Variants in TONSL observed in about 807,000 individuals in gnomAD.
TONSL encodes tonsoku like, DNA repair protein, also known as tonsoku-like protein.
Under a neutral mutation model 147.1 loss-of-function variants are expected in TONSL, and 112 were observed. The observed-to-expected ratio is 0.76, with a 90% CI of 0.65 to 0.89. The LOEUF (loss-of-function observed/expected upper bound fraction) is 0.89, where lower values mean the gene tolerates loss of function less well. Among genes scored for constraint, TONSL ranks in the 40% least tolerant of loss-of-function variants. TONSL has a pLI of 0.00. For missense variants in TONSL, 1,883 were observed against 1,864.6 expected (o/e 1.01, Z -0.18); for synonymous variants, 868 against 801.5 (o/e 1.08, Z -1.40).
intron 13 of TONSL, 112 bp from the exon 14 acceptor site, chr8:144,437,211 G>A: frequency 1.9e-6 from 2 of 1,068,576 alleles, no homozygotes; most frequent in Admixed American, 2.1e-5. Flanking sequence ...AGAGCCCAGA[G>A]CAAGTCCGTG....
intron 13 of TONSL, among the ~76,000 whole-genome samples, chr8:144,438,072 T>A (rs1273702248): frequency 6.6e-6 from 1 of 152,106 alleles, no homozygotes; most frequent in East Asian, 1.9e-4. Context: ...CCACCTAATT[T>A]TTAAATTTCT....
rs1246240558 is a variant in TONSL, at chr8:144,436,350, AAGG to A, written c.2080_2082del (p.Pro694del). On this transcript the variant is annotated inframe_deletion, in exon 17 of 26. Transcript: ENST00000409379. ...GAGGGGGGTTCTGGGCAGGGGCTCA[AAGG>A]AGGAGAGGTCTCGGGGTCAAACAGA... 8 of 1,502,254 alleles carry A rather than the reference AAGG, an allele frequency of 5.3e-6. No homozygotes were observed. The highest frequency in any genetic ancestry group is 4.0e-5 in the South Asian group (3 of 75,502). 93.1% of individuals were successfully genotyped at this position (1,502,254 alleles called of 1,614,324 possible). A position where few individuals can be genotyped will look rare whatever the true frequency, so the allele number is the denominator to read the frequency against.
chr8:144,429,062 T>C lies in TONSL; in HGVS notation c.*81A>G. The C allele has an allele frequency of 1.4e-6, 2 of 1,416,740 alleles. No homozygotes were observed. Among genetic ancestry groups the C allele is most frequent in the Non-Finnish European group, 1.9e-6 (2 of 1,080,256 alleles). 87.8% of individuals were successfully genotyped at this position (1,416,740 alleles called of 1,614,324 possible). Reference sequence around the variant, plus strand: ...CCTGGGCCTCCCAAAGTGTTGGGATTACAGGCGTGAGCCACCGCGCCCGGC... The same window carrying C: ...CCTGGGCCTCCCAAAGTGTTGGGATCACAGGCGTGAGCCACCGCGCCCGGC... On this transcript the variant is annotated 3_prime_UTR_variant, in exon 26 of 26. Coordinates refer to ENST00000409379, the MANE Select transcript of TONSL (RefSeq NM_013432.5).
In TONSL at chr8:144,431,169, C is replaced by T; in HGVS notation, c.3736-18G>A. The T allele has an allele frequency of 6.2e-7, 1 of 1,613,502 alleles. No individual in the cohort carries two copies. Among genetic ancestry groups the T allele is most frequent in the South Asian group, 1.1e-5 (1 of 91,062 alleles). ...CAGCCTTCCTGGACATGAGCAGAGG[C>T]CCAAGGGGGCCAAACGGAGTGGCGC... On this transcript the variant is annotated intron_variant, in intron 23 of 25. Transcript: ENST00000409379.
chr8:144,433,263 A>G (rs1463450018), intron 22 of TONSL: 1 of 214,472 alleles, frequency 4.7e-6, no homozygotes, highest in East Asian at 1.3e-4. Flanking sequence ...TTTTTAATAG[A>G]GACGGCGTTT....
In TONSL at chr8:144,433,685, G is replaced by A. The variant is rs143167517; in HGVS notation, c.3462C>T (p.His1154=). The A allele has an allele frequency of 4.2e-4, 671 of 1,612,468 alleles. 2 individuals are homozygous for A. In the African/African-American group the frequency reaches 7.6e-3, roughly 18 times the overall value. Residue 1154 remains histidine (H), a synonymous_variant, in exon 22 of 26, where the codon CAC becomes CAT. Coordinates refer to ENST00000409379, the MANE Select transcript of TONSL (RefSeq NM_013432.5). ...GCAGGGTGCTGAGTAAGGGGCAGGC[G>A]TGCAGGAGGGAGGCCAGGGACTGGC... ...GCGQSLASLL[H]ACPLLSTLRL...
At chr8:144,442,936 T>C in intron 4 of TONSL, 130 bp from the exon 5 acceptor site, 1 of 1,332,514 alleles carries the variant, frequency 7.5e-7, no homozygotes, top group South Asian at 1.5e-5. Flanking sequence ...GCAAGTGTCC[T>C]GCGGCAGATG....
intron 5 of TONSL, 81 bp downstream of exon 5, chr8:144,442,596 A>C: frequency 6.5e-7 from 1 of 1,547,546 alleles, no homozygotes; most frequent in Non-Finnish European, 8.7e-7. Context: ...TCTCAGGAGG[A>C]CTCTGGGAAA....
Position 144,435,484 on chromosome 8 carries a change from C to T in TONSL, c.2842G>A (p.Val948Ile). Residue 948 changes from valine (V) to isoleucine (I), a missense_variant, in exon 18 of 26, where the codon GTC becomes ATC. Coordinates refer to ENST00000409379, the MANE Select transcript of TONSL (RefSeq NM_013432.5). ...QVQDHLFLIP[V>I]PHSSDTHSVA... ...CAGGCGATGCCTCACCTGTGTGGGA[C>T]AGGGATGAGGAAGAGATGATCCTGA... 1 of 1,548,198 alleles carries T rather than the reference C, an allele frequency of 6.5e-7. No homozygotes were observed. Among genetic ancestry groups the T allele is most frequent in the Non-Finnish European group, 8.7e-7 (1 of 1,145,358 alleles).
rs1823361788 is a variant in TONSL, at chr8:144,434,720, G to A, written c.3085+91C>T. ...GGGGGAGGTGCACCCCAAAACACCC[G>A]AGGCCCAGGAATGAACCGGGCTGGT... On this transcript the variant is annotated intron_variant, in intron 20 of 25. Coordinates refer to ENST00000409379, the MANE Select transcript of TONSL (RefSeq NM_013432.5). The A allele has an allele frequency of 1.5e-5, 22 of 1,443,470 alleles. No homozygotes were observed. In the South Asian group the frequency reaches 2.0e-4, roughly 13 times the overall value. 89.4% of individuals were successfully genotyped at this position (1,443,470 alleles called of 1,614,324 possible).
chr8:144,432,356 C>T lies in TONSL; in HGVS notation c.3664G>A (p.Glu1222Lys). Residue 1222 changes from glutamate to lysine, a missense_variant, in exon 23 of 26, where the codon GAG becomes AAG. By Grantham distance (56) the Glu-to-Lys change is moderately conservative. Coordinates refer to ENST00000409379, the MANE Select transcript of TONSL (RefSeq NM_013432.5). ...SLPAGTLLHL[E>K]LSSVAAGKGD... ...TTGCCGGCTGCCACGGAGCTGAGCT[C>T]TAAGTGCAGGAGGGTGCCGGCGGGC... is the stretch of plus-strand genomic sequence containing the variant. 2 of 1,613,436 alleles carry T rather than the reference C, an allele frequency of 1.2e-6. No homozygotes were observed. Among genetic ancestry groups the T allele is most frequent in the Non-Finnish European group, 1.7e-6 (2 of 1,179,894 alleles).
rs547280505 is a variant in TONSL at position 144,434,174 on chromosome 8, C to T, written c.3191G>A (p.Arg1064Gln). ...GAGTGCTGTGTGCAGCTTGAGGGCC[C>T]GCAGCAGGGGTGTAAGCTGGGCCTG... The part of the protein sequence containing the change: ...LDQAQLTPLL[R>Q]ALKLHTALRE... The change falls in exon 21 of 26, where the codon CGG (arginine) becomes CAG (glutamine). Residue 1064 changes from arginine (R) to glutamine (Q), a missense_variant. Transcript: ENST00000409379. 33 of 1,607,002 alleles carry T rather than the reference C, an allele frequency of 2.1e-5. No homozygotes were observed. Among genetic ancestry groups the T allele is most frequent in the South Asian group, 1.4e-4 (13 of 90,558 alleles).
At chr8:144,431,197 C>T (rs1823173928) in intron 23 of TONSL, 46 bp from the exon 24 acceptor site, 2 of 1,589,312 alleles carry the variant, frequency 1.3e-6, no homozygotes, top group East Asian at 2.2e-5. Flanking sequence ...AGTGGCGCAC[C>T]TGCCCTGCCT....
rs1217925324 is a variant in TONSL, at chr8:144,436,757, C to T, written c.1890G>A (p.Lys630=). 1.2e-6 allele frequency: 2 copies of T among 1,610,776 alleles called. No homozygotes were observed. Among genetic ancestry groups the T allele is most frequent in the Non-Finnish European group, 1.7e-6 (2 of 1,179,384 alleles). Residue 630 remains lysine, a splice_region_variant and synonymous_variant, in exon 15 of 26, where the codon AAG becomes AAA. Transcript: ENST00000409379. ...TTGCCCTCTGCCCCACCAGGCTCAC[C>T]TTTCGAGTGCGGAGGGTGACGGACG... ...RGASVTLRTR[K]GLSPLETLQQ... is the part of the protein sequence containing the mutation.
At chr8:144,442,572 C>T in intron 5 of TONSL, 105 bp downstream of exon 5, 1 of 1,519,542 alleles carries the variant, frequency 6.6e-7, no homozygotes, top group South Asian at 1.3e-5. Context: ...GGATGAGGCC[C>T]AGCCAGACTG....
At position 144,435,098 on chromosome 8, in the gene TONSL, C is replaced by T; in HGVS notation, c.2925G>A (p.Leu975=). The part of the protein sequence containing the change: ...AQRYYQTCGL[L]PRLTLRKEGA... ...CCTCTTTCCGTAGGGTGAGCCTGGG[C>T]AGCAGCCCGCAGGTCTGGTAGTAGC... is the stretch of plus-strand genomic sequence containing the variant. The change falls in exon 19 of 26, where the codon CTG becomes CTA. Residue 975 remains leucine (L), a synonymous_variant. Transcript: ENST00000409379. 1 of 1,600,952 alleles carries T rather than the reference C, an allele frequency of 6.2e-7. No homozygotes were observed.
rs983825450 is a variant in TONSL, at chr8:144,435,539, C to T, written c.2787G>A (p.Pro929=). 15 of 1,550,416 alleles carry T rather than the reference C, an allele frequency of 9.7e-6. No homozygotes were observed. Among genetic ancestry groups the T allele is most frequent in the East Asian group, 2.4e-5 (1 of 41,088 alleles). Residue 929 remains proline, a synonymous_variant, in exon 18 of 26, where the codon CCG becomes CCA. Transcript: ENST00000409379. The part of the protein sequence containing the change: ...SAAGQPLGPA[P]PPPIRVRVQV... The stretch of plus-strand genomic sequence containing the variant: ...GAACTCGAACCCGGATGGGAGGGGG[C>T]GGGGCCGGACCCTGGCAGGTGAAGG...
intron 2 of TONSL, 78 bp from the exon 3 acceptor site, chr8:144,444,102 C>T: frequency 1.5e-6 from 2 of 1,312,522 alleles, no homozygotes; most frequent in South Asian, 4.4e-5. Context: ...CCGGAAGAGC[C>T]CGTCGCCCCC....
chr8:144,431,212 C>T, intron 23 of TONSL, 61 bp from the exon 24 acceptor site: 6 of 1,549,280 alleles, frequency 3.9e-6, no homozygotes, highest in Non-Finnish European at 5.3e-6. Context: ...CTGCCTGCTT[C>T]CCAGCAGGTG....
Sources: allele counts gnomAD v4.1 joint callset (sites outside exome capture counted in the v4.1 genomes callset), GRCh38; gene constraint gnomAD v4.1.1; transcripts MANE v1.5; gene names NCBI Gene and HGNC (gene_info 2026-07-23, HGNC 2026-07-21).